GPR161: variants seen among roughly 807,000 people sequenced by gnomAD.
GPR161 encodes the protein G-protein coupled receptor RE2.
Under a neutral mutation model 39.2 loss-of-function variants are expected in GPR161, and 25 were observed. The ratio of observed to expected loss-of-function variants is 0.64; its 90% CI spans 0.47 to 0.89. The LOEUF is 0.89. Among genes scored for constraint, GPR161 ranks in the 40% least tolerant of loss-of-function variants. The probability of loss-of-function intolerance (pLI) is 0.00; values close to 1 mark genes in which losing one functional copy is unlikely to be tolerated. For synonymous variants in GPR161, 286 were observed against 276.6 expected (o/e 1.03, Z -0.34); for missense variants, 547 against 677.8 (o/e 0.81, Z 2.14).
At chr1:168,097,317 C>G in intron 2 of GPR161, 85 bp from the exon 3 acceptor site, 15 of 1,429,174 alleles carry the variant, frequency 1.0e-5, no homozygotes, top group Non-Finnish European at 1.4e-5. Flanking sequence ...GCTCCCATGA[C>G]TGGGTTGGAT....
chr1:168,137,083 C>G (rs1022782929), upstream of GPR161: 7 of 861,116 alleles, frequency 8.1e-6, no homozygotes, highest in African/African-American at 1.9e-5. Flanking sequence ...TCCTTCGCGT[C>G]CGTCCGCCCG....
chr1:168,100,674 C>T (rs1696014060), intron 2 of GPR161, among the ~76,000 whole-genome samples: 1 of 152,214 alleles, frequency 6.6e-6, no homozygotes, highest in East Asian at 1.9e-4. Flanking sequence ...AAGCCAATTT[C>T]ACCTAACAAA....
chr1:168,118,430 G>C (rs1369503385), intron 1 of GPR161, among the ~76,000 whole-genome samples: 3 of 152,200 alleles, frequency 2.0e-5, no homozygotes, highest in African/African-American at 7.2e-5. Context: ...AAGTGGTGTA[G>C]AGTGGTAGAC....
intron 1 of GPR161, among the ~76,000 whole-genome samples, chr1:168,108,193 A>G (rs186174394): frequency 1.8e-3 from 275 of 152,120 alleles, no homozygotes; most frequent in Non-Finnish European, 2.0e-3. Flanking sequence ...CTTTTCAACA[A>G]CCCATTCTAG....
chr1:168,086,448 TC>T (rs1365011109), intron 5 of GPR161, among the ~76,000 whole-genome samples: 1 of 152,174 alleles, frequency 6.6e-6, no homozygotes, highest in Admixed American at 6.5e-5. Flanking sequence ...GAACAATTTA[TC>T]CTCTCCTCCT....
chr1:168,132,752 T>C (rs1048969861), intron 1 of GPR161, among the ~76,000 whole-genome samples: 1 of 152,180 alleles, frequency 6.6e-6, no homozygotes, highest in South Asian at 2.1e-4. Flanking sequence ...TGTTTGTTGG[T>C]TGGTTTTTTA....
intron 2 of GPR161, 29 bp from the exon 3 acceptor site, chr1:168,097,261 A>C: frequency 6.3e-7 from 1 of 1,585,054 alleles, no homozygotes; most frequent in Non-Finnish European, 8.6e-7. Flanking sequence ...GAGGCAAGAG[A>C]GAGAAGTCAG....
chr1:168,107,800 TC>T (rs1696741775), intron 1 of GPR161, among the ~76,000 whole-genome samples: 1 of 152,188 alleles, frequency 6.6e-6, no homozygotes, highest in Non-Finnish European at 1.5e-5. Flanking sequence ...GCCATTTCTT[TC>T]TTTTCAGACC....
chr1:168,104,757 T>C lies in GPR161; in HGVS notation c.94A>G (p.Ile32Val), dbSNP rs1252473426. ...AAAATGGTGATGACAATGATGGCGA[T>C]GAACTGGGTGATGATGACGCCCCCT... ...GEGGVIITQFIAIIVITIFVC... is the reference protein window; with the variant it reads ...GEGGVIITQFVAIIVITIFVC... Residue 32 changes from isoleucine to valine, a missense_variant, in exon 2 of 6, where the codon ATC becomes GTC. Transcript: ENST00000682931. 3.1e-6 allele frequency: 5 copies of C among 1,614,088 alleles called. No homozygotes were observed. Among genetic ancestry groups the C allele is most frequent in the Admixed American group, 1.7e-5 (1 of 60,014 alleles).
In GPR161 at chr1:168,104,716, G is replaced by A. The variant is rs753195650; in HGVS notation, c.135C>T (p.Asn45=). 2 of 1,614,046 alleles carry A rather than the reference G, an allele frequency of 1.2e-6. No homozygotes were observed. Among genetic ancestry groups the A allele is most frequent in the South Asian group, 1.1e-5 (1 of 91,080 alleles). ...TGTACAAGGTGACCACGATGACCAGGTTTCCCAGGCAGACAAAAATGGTGA... is the reference window on the plus strand; with the variant it reads ...TGTACAAGGTGACCACGATGACCAGATTTCCCAGGCAGACAAAAATGGTGA... The part of the protein sequence containing the change: ...IVITIFVCLG[N]LVIVVTLYKK... The change falls in exon 2 of 6, where the codon AAC becomes AAT. Residue 45 remains asparagine (N), a synonymous_variant. Coordinates refer to ENST00000682931, the MANE Select transcript of GPR161 (RefSeq NM_001375883.1).
intron 1 of GPR161, among the ~76,000 whole-genome samples, chr1:168,120,940 G>T (rs1698114447): frequency 6.6e-6 from 1 of 152,100 alleles, no homozygotes; most frequent in South Asian, 2.1e-4. Context: ...ATAGCAGTGT[G>T]AAAATGAACT....
At chr1:168,096,399 C>A in intron 3 of GPR161, 109 bp downstream of exon 3, 10 of 1,113,042 alleles carry the variant, frequency 9.0e-6, no homozygotes, top group Non-Finnish European at 1.2e-5. Context: ...GTGCTTTGAG[C>A]CTTACCGCCA....
chr1:168,103,908 A>G (rs987564304), intron 2 of GPR161, among the ~76,000 whole-genome samples: 1 of 152,236 alleles, frequency 6.6e-6, no homozygotes, highest in Admixed American at 6.5e-5. Context: ...GCTTAGGAAC[A>G]TCAGCTGCGC....
intron 1 of GPR161, among the ~76,000 whole-genome samples, chr1:168,119,268 GTGTATATATATATATATATACACATATA>G (rs1558130144): frequency 3.0e-5 from 3 of 100,182 alleles, no homozygotes; most frequent in African/African-American, 1.5e-4. Context: ...GTATATATAT[GTGTATATATATATATATATACACATATA>G]TACATACGTA....
chr1:168,112,512 GA>G (rs1272351845), intron 1 of GPR161, among the ~76,000 whole-genome samples: 5,125 of 108,870 alleles, frequency 0.047, 344 homozygotes, highest in African/African-American at 0.15. Flanking sequence ...AAAAGGAAAA[GA>G]AAAAAAAAAA....
chr1:168,125,287 G>A (rs917933798), intron 1 of GPR161, among the ~76,000 whole-genome samples: 1 of 152,154 alleles, frequency 6.6e-6, no homozygotes, highest in Non-Finnish European at 1.5e-5. Flanking sequence ...TGTGCCTTTG[G>A]GGAGTGCTGA....
intron 5 of GPR161, 48 bp from the exon 6 acceptor site, chr1:168,085,844 G>A: frequency 1.3e-6 from 2 of 1,540,568 alleles, no homozygotes; most frequent in South Asian, 2.4e-5. Flanking sequence ...CCAGGCCTGG[G>A]GACTACCTTG....
Position 168,115,862 on chromosome 1 carries a change from A to G in GPR161, c.-44-10968T>C, listed in dbSNP as rs949500435. Among the ~76,000 whole-genome samples the G allele has an allele frequency of 2.8e-4, 41 of 148,426 alleles. 1 individual carries two copies. In the East Asian group the frequency reaches 5.8e-3, roughly 21 times the overall value. On this transcript the variant is annotated intron_variant, in intron 1 of 5. Transcript: ENST00000682931. ...GCGATCTCGGCTCACTGCAAGCTCC[A>G]CCTCCCGGGTTCACGCCATTCTCCT...
intron 1 of GPR161, among the ~76,000 whole-genome samples, chr1:168,107,647 T>C (rs1696730906): frequency 1.3e-5 from 2 of 152,228 alleles, no homozygotes; most frequent in Non-Finnish European, 2.9e-5. Flanking sequence ...TTCAGGTATT[T>C]TGTTATAAGC....
Sources: allele counts gnomAD v4.1 joint callset (sites outside exome capture counted in the v4.1 genomes callset), GRCh38; gene constraint gnomAD v4.1.1; transcripts MANE v1.5; gene names NCBI Gene and HGNC (gene_info 2026-07-23, HGNC 2026-07-21).